EPHA6: variants seen among roughly 807,000 people sequenced by gnomAD.
EPHA6 encodes ephrin type-A receptor 6.
In EPHA6, 50 loss-of-function variants were observed where a neutral mutation model predicts 112.0. The ratio of observed to expected loss-of-function variants is 0.45; its 90% confidence interval spans 0.36 to 0.56. The LOEUF is 0.56. EPHA6 is among the 20% of genes least tolerant of loss of function. The pLI is 0.00. For missense variants in EPHA6, 1,280 were observed against 1,417.4 expected (o/e 0.90, Z 1.56); for synonymous variants, 529 against 490.7 (o/e 1.08, Z -1.03).
chr3:97,077,178 G>T (rs1354880858), intron 3 of EPHA6, among the ~76,000 whole-genome samples: 1 of 152,112 alleles, frequency 6.6e-6, no homozygotes, highest in Non-Finnish European at 1.5e-5. Context: ...CCTGGAAAAA[G>T]CTCACCATTT....
At chr3:96,989,705 AC>A (rs1483441116) in intron 3 of EPHA6, among the ~76,000 whole-genome samples, 3 of 152,050 alleles carry the variant, frequency 2.0e-5, no homozygotes, top group Non-Finnish European at 2.9e-5. Flanking sequence ...TGTATGCCTT[AC>A]CCTGGCAGCA....
chr3:97,663,002 G>A (rs1416127122), intron 14 of EPHA6, among the ~76,000 whole-genome samples: 2 of 152,170 alleles, frequency 1.3e-5, no homozygotes, highest in Non-Finnish European at 2.9e-5. Flanking sequence ...TCCCACCAGG[G>A]TCAGTCTTTG....
chr3:97,223,735 C>T (rs751349531), intron 3 of EPHA6, among the ~76,000 whole-genome samples: 14 of 152,160 alleles, frequency 9.2e-5, no homozygotes, highest in Non-Finnish European at 1.5e-4. Flanking sequence ...AGGGCAAAGC[C>T]TTAACGGAGA....
At chr3:97,125,026 A>C (rs1467953068) in intron 3 of EPHA6, among the ~76,000 whole-genome samples, 2 of 152,158 alleles carry the variant, frequency 1.3e-5, no homozygotes, top group Admixed American at 6.6e-5. Flanking sequence ...AAAAGGAAGG[A>C]TTTCACCTCA....
intron 10 of EPHA6, among the ~76,000 whole-genome samples, chr3:97,510,548 C>T (rs1043691060): frequency 1.3e-5 from 2 of 152,168 alleles, no homozygotes; most frequent in African/African-American, 4.8e-5. Flanking sequence ...CTGCCTCTTC[C>T]TTCCTCTGGA....
chr3:97,389,587 A>G (rs2086280764), intron 5 of EPHA6, among the ~76,000 whole-genome samples: 1 of 150,552 alleles, frequency 6.6e-6, no homozygotes, highest in South Asian at 2.1e-4. Flanking sequence ...ACAAGGTTTA[A>G]AAGGTTTTAC....
intron 2 of EPHA6, among the ~76,000 whole-genome samples, chr3:96,964,621 G>A (rs957294084): frequency 3.9e-5 from 6 of 152,074 alleles, no homozygotes; most frequent in African/African-American, 7.2e-5. Flanking sequence ...TGATGCATAC[G>A]TTTCACTGTT....
At chr3:97,515,771 T>C (rs1427678803) in intron 10 of EPHA6, among the ~76,000 whole-genome samples, 1 of 152,088 alleles carries the variant, frequency 6.6e-6, no homozygotes, top group Non-Finnish European at 1.5e-5. Context: ...TTAATCTCCT[T>C]GAGGACAGTG....
intron 14 of EPHA6, chr3:97,646,136 C>G (rs1433498034): frequency 6.5e-7 from 1 of 1,528,340 alleles, no homozygotes; most frequent in Admixed American, 2.0e-5. Context: ...CAAATCACAA[C>G]AAAGAGCAAT....
chr3:97,180,864 C>T (rs548272308), intron 3 of EPHA6, among the ~76,000 whole-genome samples: 24 of 152,012 alleles, frequency 1.6e-4, no homozygotes, highest in Non-Finnish European at 3.4e-4. Flanking sequence ...TCCTAGCTAG[C>T]GTCTCAGTAT....
At chr3:97,375,228 G>A (rs771105349) in intron 5 of EPHA6, among the ~76,000 whole-genome samples, 5 of 152,086 alleles carry the variant, frequency 3.3e-5, no homozygotes, top group African/African-American at 4.8e-5. Context: ...CAAAATAAAA[G>A]GGAAGGGTGT....
At chr3:97,075,838 C>G (rs1158704905) in intron 3 of EPHA6, among the ~76,000 whole-genome samples, 1 of 151,590 alleles carries the variant, frequency 6.6e-6, no homozygotes, top group Non-Finnish European at 1.5e-5. Flanking sequence ...ATTATTGTAT[C>G]TGTTAGGTGA....
intron 3 of EPHA6, among the ~76,000 whole-genome samples, chr3:97,089,754 T>A (rs1170943949): frequency 6.6e-6 from 1 of 152,106 alleles, no homozygotes; most frequent in East Asian, 1.9e-4. Context: ...CCTAGGAGTC[T>A]CTAGAAGTAG....
intron 3 of EPHA6, among the ~76,000 whole-genome samples, chr3:97,177,547 A>G (rs1205376530): frequency 6.6e-6 from 1 of 151,742 alleles, no homozygotes; most frequent in Non-Finnish European, 1.5e-5. Flanking sequence ...CTTTATATAT[A>G]TGCATGCTCC....
At chr3:97,640,711 C>T (rs1034012896) in intron 14 of EPHA6, among the ~76,000 whole-genome samples, 8 of 151,682 alleles carry the variant, frequency 5.3e-5, no homozygotes, top group African/African-American at 1.5e-4. Context: ...ACCCAGGAGG[C>T]GGAGGTTGCG....
chr3:97,677,558 T>G (rs2031499580), intron 14 of EPHA6, among the ~76,000 whole-genome samples: 1 of 151,846 alleles, frequency 6.6e-6, no homozygotes, highest in Non-Finnish European at 1.5e-5. Context: ...TTGTCTCTAC[T>G]AAAAATACAA....
At chr3:97,571,139 T>C (rs1273664007) in intron 11 of EPHA6, among the ~76,000 whole-genome samples, 2 of 152,158 alleles carry the variant, frequency 1.3e-5, no homozygotes, top group Non-Finnish European at 2.9e-5. Flanking sequence ...ACATATCACC[T>C]ATGTCACGGC....
At chr3:96,976,817 T>C (rs2042544049) in intron 2 of EPHA6, among the ~76,000 whole-genome samples, 1 of 152,170 alleles carries the variant, frequency 6.6e-6, no homozygotes, top group Non-Finnish European at 1.5e-5. Context: ...CCCTAGACTT[T>C]CTTGCTCAAA....
chr3:97,419,134 G>A (rs543262768), intron 6 of EPHA6, among the ~76,000 whole-genome samples: 5 of 151,900 alleles, frequency 3.3e-5, no homozygotes, highest in South Asian at 2.1e-4. Flanking sequence ...GAGAAACCCC[G>A]TCTCTACTAA....
Sources: allele counts gnomAD v4.1 joint callset (sites outside exome capture counted in the v4.1 genomes callset), GRCh38; gene constraint gnomAD v4.1.1; transcripts MANE v1.5; gene names NCBI Gene and HGNC (gene_info 2026-07-23, HGNC 2026-07-21).